The following TGFB1I1 variants were observed in gnomAD, a reference collection of about 807,000 sequenced individuals.
TGFB1I1 encodes transforming growth factor beta 1 induced transcript 1.
Under a neutral mutation model 52.0 loss-of-function variants are expected in TGFB1I1, and 33 were observed. The observed-to-expected ratio is 0.63, with a 90% confidence interval of 0.48 to 0.85. The LOEUF is 0.85. Among genes scored for constraint, TGFB1I1 ranks in the 40% least tolerant of loss-of-function variants. The probability of loss-of-function intolerance (pLI) is 0.00; values close to 1 mark genes in which losing one functional copy is unlikely to be tolerated. For missense variants in TGFB1I1, 577 were observed against 614.9 expected (o/e 0.94, Z 0.65); for synonymous variants, 236 against 253.3 (o/e 0.93, Z 0.65).
In TGFB1I1 at chr16:31,476,156, T is replaced by A. The variant is rs886569138; in HGVS notation, c.859T>A (p.Cys287Ser). Reference protein sequence around the residue: ...ECYFERFSPRCGFCNQPIRHK... With the variant: ...ECYFERFSPRSGFCNQPIRHK... ...CTACTTTGAGCGCTTCTCGCCAAGA[T>A]GTGGCTTCTGCAACCAGCCCATCCG... Residue 287 changes from cysteine to serine, a missense_variant, in exon 8 of 11, where the codon TGT (cysteine) becomes AGT (serine). Physicochemically the swap from Cys to Ser is moderately radical, Grantham distance 112 (BLOSUM62 -1). Transcript: ENST00000394863. The surrounding 1 kb of genome is among the most constrained non-coding windows in gnomAD (Gnocchi z 7.6). 6.2e-7 allele frequency: 1 copy of A among 1,613,310 alleles called. No homozygotes were observed. The highest frequency in any genetic ancestry group is 8.5e-7 in the Non-Finnish European group (1 of 1,179,950).
chr16:31,476,203 G>A lies in TGFB1I1; in HGVS notation c.888+18G>A. On this transcript the variant is annotated intron_variant, in intron 8 of 10. Coordinates refer to ENST00000394863, the MANE Select transcript of TGFB1I1 (RefSeq NM_001042454.3). This position sits in a 1 kb window ranked among gnomAD's most constrained non-coding sequence, Gnocchi z 7.6. ...TCCGACACGTGAGCCCCGCCCGGCC[G>A]CACCGAGCCCGCCCTATCTCACCAG... The A allele has an allele frequency of 3.1e-6, 5 of 1,606,238 alleles. No individual in the cohort carries two copies. Among genetic ancestry groups the A allele is most frequent in the Non-Finnish European group, 4.2e-6 (5 of 1,177,376 alleles).
chr16:31,477,202 G>C lies in TGFB1I1; in HGVS notation c.1120-108G>C. 2 of 1,475,096 alleles carry C rather than the reference G, an allele frequency of 1.4e-6. No homozygotes were observed. Among genetic ancestry groups the C allele is most frequent in the Non-Finnish European group, 9.1e-7 (1 of 1,103,330 alleles). The allele number at this position is 1,475,096 out of a possible 1,614,324, so 91.4% of individuals were successfully genotyped here. ...AGGGTCCCACCGGACGGGATTCTTCGCGTCTAGGGCGGGCTGCGGGGTCCC... is the reference window on the plus strand; with the variant it reads ...AGGGTCCCACCGGACGGGATTCTTCCCGTCTAGGGCGGGCTGCGGGGTCCC... On this transcript the variant is annotated intron_variant, in intron 10 of 10. Transcript: ENST00000394863. The surrounding 1 kb of genome is among the most constrained non-coding windows in gnomAD (Gnocchi z 4.7).
Position 31,474,211 on chromosome 16 carries a change from C to T in TGFB1I1, c.385C>T (p.Gln129Ter). The T allele has an allele frequency of 1.9e-6, 3 of 1,614,128 alleles. No homozygotes were observed. The highest frequency in any genetic ancestry group is 2.5e-6 in the Non-Finnish European group (3 of 1,180,034). The change falls in exon 5 of 11, where the codon CAG (glutamine) becomes TAG (stop). Residue 129 changes from glutamine to a stop codon, truncating the protein, a stop_gained. Coordinates refer to ENST00000394863, the MANE Select transcript of TGFB1I1 (RefSeq NM_001042454.3). LOFTEE classifies it high-confidence loss of function. This position sits in a 1 kb window ranked among gnomAD's most constrained non-coding sequence, Gnocchi z 4.2. ...KVASGEQKED[Q>*]SEDKKRPSLP... ...GGCTTCAGGAGAGCAGAAGGAGGAC[C>T]AGTCTGAAGATAAGAAAAGACCCAG...
chr16:31,473,777 C>T (rs763590019), intron 3 of TGFB1I1, 43 bp downstream of exon 3: 2 of 1,595,616 alleles, frequency 1.3e-6, no homozygotes, highest in Non-Finnish European at 1.7e-6. Flanking sequence ...AACTGAGTCT[C>T]AGGTGAGGAG....
chr16:31,472,280 C>T, intron 1 of TGFB1I1, 79 bp downstream of exon 1: 1 of 1,421,748 alleles, frequency 7.0e-7, no homozygotes, highest in South Asian at 1.5e-5. Context: ...TCTCCCGCAT[C>T]TCCCCATCCC....
rs552802558 is a variant in TGFB1I1, at chr16:31,473,565, G to C, written c.129+9G>C. Reference sequence around the variant, plus strand: ...ATGGCCACCAGCCACAGGTGAGATCGGATGTTGGGGACTGGGGCAGCCACT... The same window carrying C: ...ATGGCCACCAGCCACAGGTGAGATCCGATGTTGGGGACTGGGGCAGCCACT... On this transcript the variant is annotated intron_variant, in intron 2 of 10. Transcript: ENST00000394863. The C allele has an allele frequency of 3.7e-6, 6 of 1,613,388 alleles. No individual in the cohort carries two copies. In the South Asian group the frequency reaches 6.6e-5, roughly 18 times the overall value.
At position 31,473,662 on chromosome 16, in the gene TGFB1I1, T is replaced by A; in HGVS notation, c.130-20T>A. The A allele has an allele frequency of 6.4e-7, 1 of 1,574,326 alleles. No individual in the cohort carries two copies. Among genetic ancestry groups the A allele is most frequent in the Non-Finnish European group, 8.6e-7 (1 of 1,159,372 alleles). On this transcript the variant is annotated intron_variant, in intron 2 of 10. Transcript: ENST00000394863. ...CAGAGTGCAGGCCTGTCATCCCACC[T>A]GTGCGTCTCCGCTCTGTAGACAGGG...
Position 31,476,208 on chromosome 16 carries a change from G to T in TGFB1I1, c.888+23G>T. The T allele has an allele frequency of 1.2e-6, 2 of 1,603,978 alleles. No homozygotes were observed. The highest frequency in any genetic ancestry group is 1.1e-5 in the South Asian group (1 of 90,284). ...CACGTGAGCCCCGCCCGGCCGCACC[G>T]AGCCCGCCCTATCTCACCAGGAGAG... On this transcript the variant is annotated intron_variant, in intron 8 of 10. Coordinates refer to ENST00000394863, the MANE Select transcript of TGFB1I1 (RefSeq NM_001042454.3). The surrounding 1 kb of genome is among the most constrained non-coding windows in gnomAD (Gnocchi z 7.6).
At position 31,477,172 on chromosome 16, in the gene TGFB1I1, C is replaced by A; in HGVS notation, c.1120-138C>A. ...GGAACCTCGGGTGGGGCGAGTTTTC[C>A]GGGCAGGGTCCCACCGGACGGGATT... On this transcript the variant is annotated intron_variant, in intron 10 of 10. Transcript: ENST00000394863. This position sits in a 1 kb window ranked among gnomAD's most constrained non-coding sequence, Gnocchi z 4.7. 1 of 1,434,966 alleles carries A rather than the reference C, an allele frequency of 7.0e-7. No individual in the cohort carries two copies. Among genetic ancestry groups the A allele is most frequent in the Non-Finnish European group, 9.3e-7 (1 of 1,079,098 alleles). 88.9% of individuals were successfully genotyped at this position (1,434,966 alleles called of 1,614,324 possible).
chr16:31,473,173 A>C, intron 1 of TGFB1I1: 1 of 1,226,378 alleles, frequency 8.2e-7, no homozygotes, highest in Non-Finnish European at 1.0e-6. Flanking sequence ...GCTTGGGTGA[A>C]GAGCCCATTT....
At position 31,474,750 on chromosome 16, in the gene TGFB1I1, C is replaced by G; in HGVS notation, c.707C>G (p.Ala236Gly). 1.2e-6 allele frequency: 2 copies of G among 1,606,220 alleles called. 1 individual carries two copies. The highest frequency in any genetic ancestry group is 2.2e-5 in the South Asian group (2 of 89,740). The change falls in exon 7 of 11, where the codon GCT becomes GGT. Residue 236 changes from alanine (A) to glycine (G), a missense_variant. By Grantham distance (60) the Ala-to-Gly change is moderately conservative. Coordinates refer to ENST00000394863, the MANE Select transcript of TGFB1I1 (RefSeq NM_001042454.3). The surrounding 1 kb of genome is among the most constrained non-coding windows in gnomAD (Gnocchi z 4.2). ...GLCGSCNKPIAGQVVTALGRA... is the reference protein window; with the variant it reads ...GLCGSCNKPIGGQVVTALGRA... ...TGTGGCTCCTGCAATAAACCTATTG[C>G]TGGGCAAGTAAGTGGAGCCTTGTGA... is the stretch of plus-strand genomic sequence containing the variant.
In TGFB1I1 at chr16:31,477,551, C is replaced by A; in HGVS notation, c.1361C>A (p.Pro454His). 6.2e-7 allele frequency: 1 copy of A among 1,608,346 alleles called. No individual in the cohort carries two copies. Among genetic ancestry groups the A allele is most frequent in the East Asian group, 2.2e-5 (1 of 44,740 alleles). Residue 454 changes from proline to histidine, a missense_variant, in exon 11 of 11, where the codon CCC becomes CAC. Pro to His is a moderately conservative substitution (Grantham distance 77, BLOSUM62 -2). Coordinates refer to ENST00000394863, the MANE Select transcript of TGFB1I1 (RefSeq NM_001042454.3). The surrounding 1 kb of genome is among the most constrained non-coding windows in gnomAD (Gnocchi z 4.7). ...QERAGKPYCQ[P>H]CFLKLFG Reference sequence around the variant, plus strand: ...CGCGCCGGCAAGCCCTACTGCCAGCCCTGCTTCCTGAAGCTCTTCGGCTGA... The same window carrying A: ...CGCGCCGGCAAGCCCTACTGCCAGCACTGCTTCCTGAAGCTCTTCGGCTGA...
rs756261775 is a variant in TGFB1I1, at chr16:31,472,244, G to T, written c.13+43G>T. 1.6e-5 allele frequency: 23 copies of T among 1,447,892 alleles called. No homozygotes were observed. In the East Asian group the frequency reaches 6.0e-4, roughly 38 times the overall value. 89.7% of individuals were successfully genotyped at this position (1,447,892 alleles called of 1,614,324 possible). A position where few individuals can be genotyped will look rare whatever the true frequency, so the allele number is the denominator to read the frequency against. ...CCCGGGTCCGTGGCCCCTCACCGCTGCCCAGAGCTGCCTCCCCGCCGTCGC... is the reference window on the plus strand; with the variant it reads ...CCCGGGTCCGTGGCCCCTCACCGCTTCCCAGAGCTGCCTCCCCGCCGTCGC... On this transcript the variant is annotated intron_variant, in intron 1 of 10. Transcript: ENST00000394863.
In TGFB1I1 at chr16:31,477,465, C is replaced by T. The variant is rs778095052; in HGVS notation, c.1275C>T (p.His425=). Residue 425 remains histidine, a synonymous_variant, in exon 11 of 11, where the codon CAC becomes CAT. Coordinates refer to ENST00000394863, the MANE Select transcript of TGFB1I1 (RefSeq NM_001042454.3). The surrounding 1 kb of genome is among the most constrained non-coding windows in gnomAD (Gnocchi z 4.7). ...TGTCGGCCCTGGGTCGCCGCTTCCA[C>T]CCGGACCACTTCACATGCACCTTCT... The part of the protein sequence containing the change: ...RCVSALGRRF[H]PDHFTCTFCL... 103 of 1,602,218 alleles carry T rather than the reference C, an allele frequency of 6.4e-5. No individual in the cohort carries two copies. The highest frequency in any genetic ancestry group is 8.5e-5 in the Non-Finnish European group (100 of 1,174,964).
rs767229521 is a variant in TGFB1I1, at chr16:31,476,033, G to A, written c.736G>A (p.Ala246Thr). 6.2e-7 allele frequency: 1 copy of A among 1,612,948 alleles called. No homozygotes were observed. Among genetic ancestry groups the A allele is most frequent in the East Asian group, 2.2e-5 (1 of 44,882 alleles). ...GCAGGTGGTGACGGCTCTGGGCCGC[G>A]CCTGGCACCCCGAGCACTTCGTTTG... ...AGQVVTALGR[A>T]WHPEHFVCGG... Residue 246 changes from alanine to threonine, a missense_variant, in exon 8 of 11, where the codon GCC becomes ACC. Physicochemically the swap from Ala to Thr is moderately conservative, Grantham distance 58. Transcript: ENST00000394863. This position sits in a 1 kb window ranked among gnomAD's most constrained non-coding sequence, Gnocchi z 7.6.
chr16:31,473,195 GAGA>G, intron 1 of TGFB1I1: 9 of 1,316,168 alleles, frequency 6.8e-6, no homozygotes, highest in Non-Finnish European at 8.7e-6. Context: ...GACTGCATCA[GAGA>G]AGATGGGGAG....
In TGFB1I1 at chr16:31,476,376, C is replaced by T; in HGVS notation, c.889-105C>T. On this transcript the variant is annotated intron_variant, in intron 8 of 10. Transcript: ENST00000394863. This position sits in a 1 kb window ranked among gnomAD's most constrained non-coding sequence, Gnocchi z 7.6. ...CCCCACGTTCCTAGTTAGATCTTCT[C>T]CCCCTCCCCCCACGCATGCCTTAGT... 7.8e-7 allele frequency: 1 copy of T among 1,281,666 alleles called. No homozygotes were observed. 79.4% of individuals were successfully genotyped at this position (1,281,666 alleles called of 1,614,324 possible).
At position 31,476,752 on chromosome 16, in the gene TGFB1I1, C is replaced by T. The variant is rs1459156422; in HGVS notation, c.971-110C>T. 1.3e-6 allele frequency: 2 copies of T among 1,541,832 alleles called. No homozygotes were observed. Among genetic ancestry groups the T allele is most frequent in the Non-Finnish European group, 1.7e-6 (2 of 1,143,310 alleles). ...CCCGCCATAGACCCGGCTCCTCCTT[C>T]CCCAAGGCTCCCTCGGACTGCCCCT... On this transcript the variant is annotated intron_variant, in intron 9 of 10. Transcript: ENST00000394863. This position sits in a 1 kb window ranked among gnomAD's most constrained non-coding sequence, Gnocchi z 7.6.
chr16:31,473,400 C>A, intron 1 of TGFB1I1, 41 bp from the exon 2 acceptor site: 1 of 1,588,116 alleles, frequency 6.3e-7, no homozygotes, highest in Non-Finnish European at 8.6e-7. Flanking sequence ...TCTGATCTAA[C>A]CGTGACCCTT....
Sources: gnomAD v4.1 joint callset for allele counts on GRCh38, gnomAD v4.1.1 for gene constraint, Gnocchi (gnomAD v3.1) non-coding constraint, MANE v1.5 for transcripts, NCBI Gene and HGNC (gene_info 2026-07-23, HGNC 2026-07-21) for gene names.